Variants in SORBS2 observed in about 807,000 individuals in gnomAD.
SORBS2 encodes the protein sorbin and SH3 domain containing 2, also known as sorbin and SH3 domain-containing protein 2.
SORBS2 carries 46 observed loss-of-function variants against 97.7 expected under a neutral mutation model. That is an observed-to-expected ratio of 0.47 (90% CI 0.37 to 0.60). The LOEUF (loss-of-function observed/expected upper bound fraction) is 0.60. SORBS2 is among the 20% of genes least tolerant of loss of function. The probability of loss-of-function intolerance (pLI) is 0.00; values close to 1 mark genes in which losing one functional copy is unlikely to be tolerated. For missense variants in SORBS2, 1,316 were observed against 1,282.3 expected, an observed-to-expected ratio of 1.03 and a Z score of -0.40; for synonymous variants, 476 against 473.4, an observed-to-expected ratio of 1.01 and a Z score of -0.07.
chr4:185,767,476 G>T (rs994199169), intron 2 of SORBS2, among the ~76,000 whole-genome samples: 3 of 133,498 alleles, frequency 2.2e-5, no homozygotes, highest in Non-Finnish European at 4.7e-5. Context: ...CTCCAGCCTG[G>T]GCGACAGAGT....
At chr4:185,940,121 C>G (rs2099271144) in intron 1 of SORBS2, among the ~76,000 whole-genome samples, 1 of 152,178 alleles carries the variant, frequency 6.6e-6, no homozygotes, top group African/African-American at 2.4e-5. Context: ...TGCTTCAGAA[C>G]TGGTCCATGG....
At chr4:185,772,967 G>A (rs1387469838) in intron 2 of SORBS2, 1 of 152,036 alleles carries the variant, frequency 6.6e-6, no homozygotes, top group Admixed American at 6.6e-5. Context: ...GTGAAACTCG[G>A]TGGCTTTGGC....
chr4:185,656,757 G>T (rs935328581), exon 1 of SORBS2: 27 of 1,522,942 alleles, frequency 1.8e-5, no homozygotes, highest in East Asian at 1.0e-4. Context: ...GCGTTTTGCC[G>T]GAAGGGGCTG....
At chr4:185,602,615 T>C (rs79748804) in intron 12 of SORBS2, among the ~76,000 whole-genome samples, 4,306 of 152,364 alleles carry the variant, frequency 0.028, 182 homozygotes, top group East Asian at 0.11. Context: ...TCATGCGTGC[T>C]ATACTATGTC....
intron 1 of SORBS2, among the ~76,000 whole-genome samples, chr4:185,934,963 G>T (rs1353998650): frequency 6.6e-6 from 1 of 152,080 alleles, no homozygotes; most frequent in Non-Finnish European, 1.5e-5. Flanking sequence ...ACTGAGTCAG[G>T]TCGCTTCTCC....
chr4:185,783,750 C>T (rs1242503705), intron 1 of SORBS2, among the ~76,000 whole-genome samples: 2 of 152,208 alleles, frequency 1.3e-5, no homozygotes, highest in Non-Finnish European at 2.9e-5. Flanking sequence ...AGGCAGGAAG[C>T]TGCCCTCTGA....
At position 185,947,854 on chromosome 4, in the gene SORBS2, G is replaced by A. The variant is rs572713279; in HGVS notation, c.-338+8342C>T. Among the ~76,000 whole-genome samples the A allele has an allele frequency of 2.6e-5, 4 of 152,252 alleles. 1 individual carries two copies. The highest frequency in any genetic ancestry group is 9.6e-5 in the African/African-American group (4 of 41,558). On this transcript the variant is annotated intron_variant, in intron 1 of 20. Transcript: ENST00000284776. ...TCGAACTCCTGACCTCAGGTGATCT[G>A]CCTGCCTCAGCCTCTCAAAGTGCTG...
chr4:185,921,868 G>C (rs1270012519), intron 1 of SORBS2, among the ~76,000 whole-genome samples: 1 of 152,158 alleles, frequency 6.6e-6, no homozygotes, highest in African/African-American at 2.4e-5. Context: ...ACACTCTTCA[G>C]CACCTTCACC....
intron 12 of SORBS2, among the ~76,000 whole-genome samples, chr4:185,594,285 T>G (rs536198747): frequency 6.6e-6 from 1 of 152,276 alleles, no homozygotes; most frequent in East Asian, 1.9e-4. Flanking sequence ...TATAGACACC[T>G]TCATACAACC....
At chr4:185,774,315 AT>A (rs1272312686) in intron 2 of SORBS2, 1 of 152,188 alleles carries the variant, frequency 6.6e-6, no homozygotes, top group African/African-American at 2.4e-5. Flanking sequence ...TTTTCTTACA[AT>A]TGGGGGTCCC....
chr4:185,849,408 A>C (rs1464130448), intron 1 of SORBS2, among the ~76,000 whole-genome samples: 1 of 152,068 alleles, frequency 6.6e-6, no homozygotes, highest in South Asian at 2.1e-4. Flanking sequence ...CGACAGATAA[A>C]GAATTTATGA....
intron 4 of SORBS2, among the ~76,000 whole-genome samples, chr4:185,641,213 TTTTG>T (rs758484665): frequency 1.3e-5 from 2 of 152,176 alleles, no homozygotes; most frequent in African/African-American, 4.8e-5. Context: ...TGAATTATGC[TTTTG>T]TTTATTTAAA....
chr4:185,928,261 G>A (rs2099264704), intron 1 of SORBS2, among the ~76,000 whole-genome samples: 1 of 152,160 alleles, frequency 6.6e-6, no homozygotes, highest in African/African-American at 2.4e-5. Context: ...AAAATTATTT[G>A]GGAGTGGTGG....
intron 2 of SORBS2, among the ~76,000 whole-genome samples, chr4:185,748,299 G>T (rs2153595236): frequency 6.6e-6 from 1 of 152,234 alleles, no homozygotes; most frequent in East Asian, 1.9e-4. Flanking sequence ...GTGTGTGACT[G>T]GCTCTGTCAC....
chr4:185,656,440 CTTTT>C (rs35080375), intron 1 of SORBS2, among the ~76,000 whole-genome samples: 3 of 141,042 alleles, frequency 2.1e-5, no homozygotes, highest in Non-Finnish European at 3.1e-5. Flanking sequence ...CTTACCACGG[CTTTT>C]TTTTTTTTTT....
At chr4:185,792,768 G>C (rs1349845798) in intron 1 of SORBS2, among the ~76,000 whole-genome samples, 1 of 152,108 alleles carries the variant, frequency 6.6e-6, no homozygotes, top group Non-Finnish European at 1.5e-5. Flanking sequence ...AAAATACAGA[G>C]AGAATGATAA....
chr4:185,731,894 A>C (rs1224991571), intron 2 of SORBS2, among the ~76,000 whole-genome samples: 53 of 92,080 alleles, frequency 5.8e-4, no homozygotes, highest in Non-Finnish European at 1.1e-3. Context: ...ATATATATAT[A>C]TATATATATA....
chr4:185,888,130 AG>A (rs2099240654), intron 1 of SORBS2, among the ~76,000 whole-genome samples: 1 of 151,454 alleles, frequency 6.6e-6, no homozygotes, highest in African/African-American at 2.4e-5. Flanking sequence ...ATTTATTCTG[AG>A]TTTTCATTGC....
rs760550174 is a variant in SORBS2 at position 185,666,209 on chromosome 4, G to A, written c.-45-3967C>T. The A allele has an allele frequency of 3.2e-6, 4 of 1,264,046 alleles. No homozygotes were observed. The South Asian group carries it at 5.0e-5, about 16-fold the overall frequency. 78.3% of individuals were successfully genotyped at this position (1,264,046 alleles called of 1,614,324 possible). A position where few individuals can be genotyped will look rare whatever the true frequency, so the allele number is the denominator to read the frequency against. On this transcript the variant is annotated intron_variant, in intron 4 of 20. Coordinates refer to the SORBS2 transcript ENST00000284776. ...GCAGGTAAGTTCTGATTTCCAAGCT[G>A]AGTATGAGGAAAAAATAATAAGAGA...
Sources: allele counts gnomAD v4.1 joint callset (sites outside exome capture counted in the v4.1 genomes callset), GRCh38; gene constraint gnomAD v4.1.1; transcripts MANE v1.5; gene names NCBI Gene and HGNC (gene_info 2026-07-23, HGNC 2026-07-21).